SAMD3: variants seen among roughly 807,000 people sequenced by gnomAD.
SAMD3 encodes the protein sterile alpha motif domain-containing protein 3.
In SAMD3, 63 loss-of-function variants were observed where a neutral mutation model predicts 58.5. The observed-to-expected ratio is 1.08, with a 90% confidence interval of 0.88 to 1.33. SAMD3 has a LOEUF of 1.33. Among genes scored for constraint, SAMD3 ranks in the 40% most tolerant of loss-of-function variants. SAMD3 has a pLI of 0.00. For synonymous variants in SAMD3, 220 were observed against 210.3 expected (o/e 1.05, Z -0.40); for missense variants, 604 against 608.4 (o/e 0.99, Z 0.08).
At chr6:130,335,318 G>A (rs186641404) in intron 1 of SAMD3, among the ~76,000 whole-genome samples, 2 of 152,092 alleles carry the variant, frequency 1.3e-5, no homozygotes, top group Non-Finnish European at 1.5e-5. Flanking sequence ...ATGACTTGTC[G>A]CCTGACAAAC....
chr6:130,240,355 C>A (rs1468647654), intron 2 of SAMD3, among the ~76,000 whole-genome samples: 2 of 152,100 alleles, frequency 1.3e-5, no homozygotes, highest in Non-Finnish European at 2.9e-5. Flanking sequence ...CAAACAGAGT[C>A]AAAGAGGGAA....
chr6:130,145,291 G>A (rs773032978), intron 11 of SAMD3, 49 bp downstream of exon 11: 4 of 825,530 alleles, frequency 4.8e-6, no homozygotes, highest in Non-Finnish European at 7.4e-6. Context: ...ATAAATAATC[G>A]CATGAAGATG....
In SAMD3 at chr6:130,214,417, G is replaced by A. The variant is rs1239966193; in HGVS notation, c.189C>T (p.Tyr63=). 2.5e-6 allele frequency: 4 copies of A among 1,612,966 alleles called. No individual in the cohort carries two copies. The Admixed American group carries it at 5.0e-5, about 20-fold the overall frequency. Residue 63 remains tyrosine, a synonymous_variant, in exon 4 of 12, where the codon TAC becomes TAT. Coordinates refer to ENST00000439090, the MANE Select transcript of SAMD3 (RefSeq NM_001017373.4). The part of the protein sequence containing the change: ...QAVLMDLIKK[Y]KQNTQGLKSP... The stretch of plus-strand genomic sequence containing the variant: ...ACTTCAGTCCTTGAGTGTTCTGCTT[G>A]TATTTTTTAATTAAATCCATCAGAA...
At chr6:130,363,656 G>T (rs915285757) in intron 1 of SAMD3, among the ~76,000 whole-genome samples, 5 of 152,114 alleles carry the variant, frequency 3.3e-5, no homozygotes, top group Admixed American at 6.5e-5. Context: ...CCTACTTAAG[G>T]GATGGGAGAA....
chr6:130,180,953 C>CTTTTTTTTTTTTTTTTTTTTTTTTTT (rs370213784), intron 7 of SAMD3, among the ~76,000 whole-genome samples: 3 of 117,364 alleles, frequency 2.6e-5, no homozygotes, highest in Non-Finnish European at 5.2e-5. Flanking sequence ...TTCTTTCTTT[C>CTTTTTTTTTTTTTTTTTTTTTTTTTT]TTTTTTCTTT....
Position 130,175,972 on chromosome 6 carries a change from A to G in SAMD3, c.691T>C (p.Tyr231His). The G allele has an allele frequency of 1.9e-6, 3 of 1,613,420 alleles. No individual in the cohort carries two copies. Among genetic ancestry groups the G allele is most frequent in the Non-Finnish European group, 2.5e-6 (3 of 1,179,762 alleles). Residue 231 changes from tyrosine to histidine, a missense_variant, in exon 8 of 12, where the codon TAT (tyrosine) becomes CAT (histidine). Tyr to His is a moderately conservative substitution (Grantham distance 83). Transcript: ENST00000439090. ...TCATCTTCTATGGGTCTTCGAACAT[A>G]TTTAAAGCGATCTTTGAGGGCTCGT... is the stretch of plus-strand genomic sequence containing the variant. ...WKRALKDRFK[Y>H]VRRPIEDDEQ...
chr6:130,215,539 C>T lies in SAMD3; in HGVS notation c.-21-245G>A, dbSNP rs531509260. On this transcript the variant is annotated intron_variant, in intron 2 of 11. Transcript: ENST00000439090. ...CATTTCTCAAATTTCTTCACCTTCTCCTACTTTTTTTCCACAGGCATCTCT... is the reference window on the plus strand; with the variant it reads ...CATTTCTCAAATTTCTTCACCTTCTTCTACTTTTTTTCCACAGGCATCTCT... The T allele has an allele frequency of 1.1e-4, 143 of 1,332,336 alleles. No individual in the cohort carries two copies. In the South Asian group the frequency reaches 1.3e-3, roughly 13 times the overall value. The allele number at this position is 1,332,336 out of a possible 1,614,324, so 82.5% of individuals were successfully genotyped here.
intron 1 of SAMD3, among the ~76,000 whole-genome samples, chr6:130,327,116 CTGTATT>C: frequency 6.6e-6 from 1 of 152,082 alleles, no homozygotes; most frequent in East Asian, 1.9e-4. Flanking sequence ...CTTTCCTAGA[CTGTATT>C]CTTGTTTCCT....
At chr6:130,272,319 T>C (rs1446441380) in intron 2 of SAMD3, among the ~76,000 whole-genome samples, 1 of 152,214 alleles carries the variant, frequency 6.6e-6, no homozygotes. Context: ...ATTAAATGAA[T>C]TGAATTCAAG....
chr6:130,170,348 T>C (rs1200768204), intron 8 of SAMD3, among the ~76,000 whole-genome samples: 1 of 152,224 alleles, frequency 6.6e-6, no homozygotes, highest in Non-Finnish European at 1.5e-5. Flanking sequence ...GCTTCCAGCT[T>C]CATCCATGTC....
chr6:130,280,312 GC>G (rs1774935851), intron 2 of SAMD3, among the ~76,000 whole-genome samples: 2 of 151,892 alleles, frequency 1.3e-5, no homozygotes, highest in Admixed American at 1.3e-4. Context: ...TTATTTTTTT[GC>G]CCTTGATAAT....
chr6:130,152,329 G>A (rs1789283971), intron 9 of SAMD3, among the ~76,000 whole-genome samples: 1 of 152,096 alleles, frequency 6.6e-6, no homozygotes, highest in Admixed American at 6.6e-5. Context: ...AGCTGCCTAG[G>A]GCTGAGTCAG....
intron 8 of SAMD3, among the ~76,000 whole-genome samples, chr6:130,159,210 A>G (rs906415379): frequency 3.3e-5 from 5 of 152,142 alleles, no homozygotes; most frequent in Non-Finnish European, 2.9e-5. Flanking sequence ...TGGGTCTCAC[A>G]AGATCCAATG....
At chr6:130,145,231 C>T (rs769399320) in intron 11 of SAMD3, 109 bp downstream of exon 11, 1 of 519,626 alleles carries the variant, frequency 1.9e-6, no homozygotes, top group Non-Finnish European at 3.1e-6. Context: ...GTACTCCAGC[C>T]TGGGCAAAAG....
At chr6:130,145,233 G>C (rs1413142812) in intron 11 of SAMD3, 107 bp downstream of exon 11, 13 of 521,018 alleles carry the variant, frequency 2.5e-5, no homozygotes, top group African/African-American at 3.9e-5. Context: ...ACTCCAGCCT[G>C]GGCAAAAGAG....
At chr6:130,194,025 C>T (rs541602028) in intron 5 of SAMD3, among the ~76,000 whole-genome samples, 6 of 152,186 alleles carry the variant, frequency 3.9e-5, no homozygotes, top group African/African-American at 1.4e-4. Flanking sequence ...CTCGCCAGGT[C>T]GAGCTAGGTC....
chr6:130,227,588 G>A (rs973414979), upstream of SAMD3, among the ~76,000 whole-genome samples: 1 of 152,062 alleles, frequency 6.6e-6, no homozygotes, highest in Non-Finnish European at 1.5e-5. Context: ...AGGAGTTCAA[G>A]GCCAGTCTGG....
At chr6:130,243,824 C>T (rs73603974) in intron 2 of SAMD3, among the ~76,000 whole-genome samples, 2,024 of 152,272 alleles carry the variant, frequency 0.013, 41 homozygotes, top group African/African-American at 0.046. Flanking sequence ...CAACCATATG[C>T]ACACACCACA....
At chr6:130,278,921 G>C (rs920610194) in intron 2 of SAMD3, among the ~76,000 whole-genome samples, 1 of 152,066 alleles carries the variant, frequency 6.6e-6, no homozygotes, top group African/African-American at 2.4e-5. Context: ...GACACGATGT[G>C]GTTAGACTCT....
Sources: allele counts gnomAD v4.1 joint callset (sites outside exome capture counted in the v4.1 genomes callset), GRCh38; gene constraint gnomAD v4.1.1; transcripts MANE v1.5; gene names NCBI Gene and HGNC (gene_info 2026-07-23, HGNC 2026-07-21).